Variants in PTK2 observed in about 807,000 individuals in gnomAD.
PTK2 encodes protein tyrosine kinase 2, also known as focal adhesion kinase 1.
Under a neutral mutation model 150.1 loss-of-function variants are expected in PTK2, and 45 were observed. The observed-to-expected ratio is 0.30, with a 90% CI of 0.24 to 0.38. The LOEUF is 0.38. Ranked by LOEUF, PTK2 falls within the 10% of genes least tolerant of loss-of-function variation. The pLI is 1.00. For synonymous variants in PTK2, 432 were observed against 449.2 expected (o/e 0.96, Z 0.48); for missense variants, 919 against 1,307.3 (o/e 0.70, Z 4.58).
At chr8:140,967,220 C>T (rs2100185601) in intron 1 of PTK2, among the ~76,000 whole-genome samples, 1 of 152,208 alleles carries the variant, frequency 6.6e-6, no homozygotes, top group African/African-American at 2.4e-5. Flanking sequence ...TGCTGCTATT[C>T]TTGCTTCCCA....
chr8:141,000,505 C>T (rs1463852217), intron 1 of PTK2, among the ~76,000 whole-genome samples: 1 of 152,200 alleles, frequency 6.6e-6, no homozygotes, highest in African/African-American at 2.4e-5. Flanking sequence ...TTTCCCTCTT[C>T]CTCCTCCTGC....
At chr8:140,860,731 C>T (rs537133370) in intron 5 of PTK2, among the ~76,000 whole-genome samples, 1 of 152,344 alleles carries the variant, frequency 6.6e-6, no homozygotes, top group South Asian at 2.1e-4. Flanking sequence ...GCCTCGGCCT[C>T]CCAAAGTGCT....
chr8:140,917,394 G>C (rs1436628113), intron 2 of PTK2, among the ~76,000 whole-genome samples: 2 of 151,892 alleles, frequency 1.3e-5, no homozygotes, highest in African/African-American at 4.8e-5. Flanking sequence ...GAGGGCAGAT[G>C]AGAGGAGAGG....
intron 16 of PTK2, among the ~76,000 whole-genome samples, chr8:140,760,066 A>G (rs1449451599): frequency 2.0e-5 from 3 of 152,132 alleles, no homozygotes. Context: ...TACTAAAAAA[A>G]CAAAAATTAG....
chr8:141,000,555 C>A (rs551793735), intron 1 of PTK2, among the ~76,000 whole-genome samples: 1 of 152,264 alleles, frequency 6.6e-6, no homozygotes, highest in Non-Finnish European at 1.5e-5. Context: ...TCCGCTCCGG[C>A]GGAGGCCGGC....
chr8:140,999,264 G>GAT (rs776624935), intron 1 of PTK2, among the ~76,000 whole-genome samples: 1 of 152,220 alleles, frequency 6.6e-6, no homozygotes, highest in Non-Finnish European at 1.5e-5. Context: ...TGAAGTCTTA[G>GAT]GTGATTGTCG....
At chr8:140,745,155 C>G (rs758101687) in intron 18 of PTK2, among the ~76,000 whole-genome samples, 2 of 152,188 alleles carry the variant, frequency 1.3e-5, no homozygotes, top group Non-Finnish European at 2.9e-5. Flanking sequence ...ATCTCCACTT[C>G]AAACCTTACT....
chr8:140,783,612 C>T (rs549926216), intron 14 of PTK2, among the ~76,000 whole-genome samples: 3 of 152,224 alleles, frequency 2.0e-5, no homozygotes, highest in African/African-American at 7.2e-5. Flanking sequence ...TTTTATAGAA[C>T]TTTACAGTTT....
intron 8 of PTK2, among the ~76,000 whole-genome samples, chr8:140,828,158 T>A (rs1186472456): frequency 9.5e-5 from 14 of 147,814 alleles, no homozygotes; most frequent in Admixed American, 8.0e-4. Context: ...GGAGCAAGAC[T>A]CTGTCTCAAC....
chr8:140,911,221 C>CT (rs557080431), intron 2 of PTK2, among the ~76,000 whole-genome samples: 18 of 151,674 alleles, frequency 1.2e-4, no homozygotes, highest in Middle Eastern at 3.4e-3. Flanking sequence ...TTTTGTCTGC[C>CT]TTTTTTTTCT....
intron 14 of PTK2, among the ~76,000 whole-genome samples, chr8:140,772,761 A>G (rs1386873851): frequency 6.6e-6 from 1 of 152,232 alleles, no homozygotes; most frequent in African/African-American, 2.4e-5. Context: ...AGTGAGCCAA[A>G]ATATAAATAT....
intron 26 of PTK2, among the ~76,000 whole-genome samples, chr8:140,696,758 G>T (rs1590805991): frequency 6.6e-6 from 1 of 152,036 alleles, no homozygotes; most frequent in South Asian, 2.1e-4. Flanking sequence ...AGAGAAAAAA[G>T]AAACTTTCAT....
chr8:140,956,691 T>C (rs11167011), intron 1 of PTK2, among the ~76,000 whole-genome samples: 7,070 of 152,196 alleles, frequency 0.046, 441 homozygotes, highest in African/African-American at 0.14. Flanking sequence ...GTGGAAGATA[T>C]TGATATTGAT....
At chr8:140,856,621 G>A (rs2100132817) in intron 5 of PTK2, among the ~76,000 whole-genome samples, 1 of 152,202 alleles carries the variant, frequency 6.6e-6, no homozygotes, top group Admixed American at 6.5e-5. Context: ...TTGGGGCAAT[G>A]ACTGGGGGCA....
intron 3 of PTK2, among the ~76,000 whole-genome samples, chr8:140,885,912 T>C (rs191642577): frequency 2.0e-5 from 3 of 152,094 alleles, no homozygotes; most frequent in African/African-American, 7.2e-5. Flanking sequence ...GGCTTTCATC[T>C]CTCCAGGATC....
chr8:140,660,396 T>A (rs2077746686), intron 31 of PTK2, among the ~76,000 whole-genome samples: 1 of 152,196 alleles, frequency 6.6e-6, no homozygotes, highest in Admixed American at 6.5e-5. Flanking sequence ...CCAACTCTAT[T>A]TCAAGACCTT....
At chr8:140,733,582 G>T (rs1285005574) in intron 22 of PTK2, among the ~76,000 whole-genome samples, 1 of 152,134 alleles carries the variant, frequency 6.6e-6, no homozygotes, top group Non-Finnish European at 1.5e-5. Flanking sequence ...CCTGAGGAAA[G>T]ATCAAGGAGG....
intron 5 of PTK2, among the ~76,000 whole-genome samples, chr8:140,855,889 C>T (rs1489627624): frequency 6.6e-6 from 1 of 151,990 alleles, no homozygotes; most frequent in Non-Finnish European, 1.5e-5. Flanking sequence ...TGTAGCACTG[C>T]TGAACTGCAC....
In PTK2 at chr8:140,697,902, C is replaced by T. The variant is rs530076389; in HGVS notation, c.2499+2989G>A. Among the ~76,000 whole-genome samples, 13 of 131,130 alleles carry T rather than the reference C, an allele frequency of 9.9e-5. 1 individual carries two copies. The highest frequency in any genetic ancestry group is 0.01 in the Middle Eastern group (2 of 200). The allele number at this position is 131,130 out of a possible 152,430, so 86.0% of individuals were successfully genotyped here. The stretch of plus-strand genomic sequence containing the variant: ...TTTTTGCCACAGGGTCTTGCTAAGC[C>T]CAGGCTAGTCTCAAACTCCTAGACT... On this transcript the variant is annotated intron_variant, in intron 26 of 31. Transcript: ENST00000522684.
Sources: gnomAD v4.1 joint callset for allele counts (sites outside exome capture counted in the v4.1 genomes callset) on GRCh38, gnomAD v4.1.1 for gene constraint, MANE v1.5 for transcripts, NCBI Gene and HGNC (gene_info 2026-07-23, HGNC 2026-07-21) for gene names.